Variants in RERE observed in about 807,000 individuals in gnomAD.
RERE encodes the protein arginine-glutamic acid dipeptide repeats protein.
A neutral mutation model predicts 146.1 loss-of-function variants in RERE; 40 were observed. The observed-to-expected ratio is 0.27, with a 90% CI of 0.21 to 0.36. The LOEUF (loss-of-function observed/expected upper bound fraction) is 0.36. Among genes scored for constraint, RERE ranks in the 10% least tolerant of loss-of-function variants. The pLI is 1.00. For missense variants in RERE, 1,933 were observed against 2,138.7 expected, an observed-to-expected ratio of 0.90 and a Z score of 1.90; for synonymous variants, 1,003 against 866.0, an observed-to-expected ratio of 1.16 and a Z score of -2.78.
intron 1 of RERE, among the ~76,000 whole-genome samples, chr1:8,712,966 T>C (rs539369677): frequency 5.0e-4 from 76 of 152,166 alleles, no homozygotes; most frequent in Non-Finnish European, 1.0e-3. Context: ...TGGAGGACTA[T>C]AGTTTATTCT....
chr1:8,584,963 G>A (rs1347095035), intron 4 of RERE, among the ~76,000 whole-genome samples: 4 of 151,982 alleles, frequency 2.6e-5, no homozygotes, highest in Middle Eastern at 3.4e-3. Context: ...CTTGGCCAAC[G>A]TGGTGAAACC....
chr1:8,468,549 T>C (rs1327846817), intron 10 of RERE, among the ~76,000 whole-genome samples: 1 of 152,172 alleles, frequency 6.6e-6, no homozygotes. Flanking sequence ...ATGGCAAAAT[T>C]AACAACTTTT....
chr1:8,707,290 A>T (rs1360864714), intron 1 of RERE, among the ~76,000 whole-genome samples: 6 of 152,238 alleles, frequency 3.9e-5, no homozygotes, highest in Admixed American at 6.5e-5. Flanking sequence ...AATTAAATCG[A>T]AAGTCTAGTT....
intron 10 of RERE, among the ~76,000 whole-genome samples, chr1:8,481,140 C>T (rs184197445): frequency 2.0e-5 from 3 of 152,262 alleles, no homozygotes; most frequent in Non-Finnish European, 4.4e-5. Context: ...GTTTCTGAGA[C>T]GGGGTCTCGC....
At chr1:8,371,426 G>A (rs570039098) in intron 12 of RERE, among the ~76,000 whole-genome samples, 1 of 152,328 alleles carries the variant, frequency 6.6e-6, no homozygotes, top group Admixed American at 6.5e-5. Context: ...GGAAGGGAGT[G>A]CCACACATGG....
At chr1:8,357,503 T>A (rs1641342763) in intron 20 of RERE, among the ~76,000 whole-genome samples, 1 of 152,188 alleles carries the variant, frequency 6.6e-6, no homozygotes, top group African/African-American at 2.4e-5. Context: ...GCACGTAGGC[T>A]GTCCCACAGG....
intron 10 of RERE, among the ~76,000 whole-genome samples, chr1:8,483,323 T>C (rs1279915715): frequency 6.6e-6 from 1 of 152,226 alleles, no homozygotes; most frequent in African/African-American, 2.4e-5. Flanking sequence ...AGGGAAAACT[T>C]ATGAAAGGGC....
intron 11 of RERE, among the ~76,000 whole-genome samples, chr1:8,427,947 C>T (rs1644039756): frequency 6.6e-6 from 1 of 152,194 alleles, no homozygotes; most frequent in Admixed American, 6.5e-5. Context: ...ACAATTAACA[C>T]TATTGACTTA....
intron 10 of RERE, among the ~76,000 whole-genome samples, chr1:8,489,598 A>G (rs972075982): frequency 6.6e-6 from 1 of 152,188 alleles, no homozygotes; most frequent in Non-Finnish European, 1.5e-5. Flanking sequence ...CTATTAAATT[A>G]GGAAATTCCA....
chr1:8,746,796 G>A (rs1481281652), intron 1 of RERE, among the ~76,000 whole-genome samples: 1 of 149,256 alleles, frequency 6.7e-6, no homozygotes, highest in Non-Finnish European at 1.5e-5. Context: ...AAGTGTGGGA[G>A]CGTGTATGGG....
At chr1:8,758,598 AG>A (rs1371615731) in intron 1 of RERE, among the ~76,000 whole-genome samples, 1 of 151,786 alleles carries the variant, frequency 6.6e-6, no homozygotes, top group Non-Finnish European at 1.5e-5. Context: ...GGTCTCGCCA[AG>A]CTGGTCTCGA....
At chr1:8,378,803 G>A (rs573574003) in intron 12 of RERE, among the ~76,000 whole-genome samples, 3 of 152,292 alleles carry the variant, frequency 2.0e-5, no homozygotes, top group Admixed American at 6.5e-5. Flanking sequence ...GGTGAGCCTC[G>A]AGGAAAGGAG....
At chr1:8,481,415 G>A (rs549780034) in intron 10 of RERE, among the ~76,000 whole-genome samples, 51 of 152,144 alleles carry the variant, frequency 3.4e-4, no homozygotes, top group South Asian at 1.2e-3. Context: ...CACCCGGCCC[G>A]ATTAACCAGA....
chr1:8,460,649 T>C (rs1238445615), intron 11 of RERE, among the ~76,000 whole-genome samples: 2 of 152,224 alleles, frequency 1.3e-5, no homozygotes, highest in African/African-American at 2.4e-5. Context: ...AAATATTTAA[T>C]GGGTAGTGTA....
intron 1 of RERE, among the ~76,000 whole-genome samples, chr1:8,718,265 G>A (rs553035882): frequency 9.9e-5 from 15 of 152,250 alleles, no homozygotes; most frequent in Admixed American, 2.0e-4. Context: ...TTCTAAAGCC[G>A]TTAGATTTCT....
chr1:8,582,241 G>A (rs747086649), intron 4 of RERE, among the ~76,000 whole-genome samples: 1 of 151,940 alleles, frequency 6.6e-6, no homozygotes, highest in Non-Finnish European at 1.5e-5. Flanking sequence ...TGTTACCCAG[G>A]CTGCAGCGCA....
chr1:8,741,041 A>T (rs1036843245), intron 1 of RERE, among the ~76,000 whole-genome samples: 1 of 152,210 alleles, frequency 6.6e-6, no homozygotes, highest in African/African-American at 2.4e-5. Context: ...AACCGGCAGC[A>T]TATTAGGTCT....
chr1:8,458,542 C>T (rs1233753168), intron 11 of RERE, among the ~76,000 whole-genome samples: 5 of 152,190 alleles, frequency 3.3e-5, no homozygotes, highest in South Asian at 2.1e-4. Flanking sequence ...CTCTGTATAG[C>T]CCTGATGTCT....
chr1:8,380,752 G>C, intron 12 of RERE: 1 of 432,670 alleles, frequency 2.3e-6, no homozygotes, highest in East Asian at 7.1e-5. Context: ...GAAAGGTAGA[G>C]ATTTCTCTTT....
Sources: gnomAD v4.1 joint callset for allele counts (sites outside exome capture counted in the v4.1 genomes callset) on GRCh38, gnomAD v4.1.1 for gene constraint, MANE v1.5 for transcripts, NCBI Gene and HGNC (gene_info 2026-07-23, HGNC 2026-07-21) for gene names.